The following MLLT6 variants were observed in gnomAD, a reference collection of about 807,000 sequenced individuals.
MLLT6 encodes protein AF-17.
In MLLT6, 22 loss-of-function variants were observed where a neutral mutation model predicts 103.0. The ratio of observed to expected loss-of-function variants is 0.21; its 90% CI spans 0.15 to 0.31. The LOEUF (loss-of-function observed/expected upper bound fraction) is 0.31, where lower values mean the gene tolerates loss of function less well. Ranked by LOEUF, MLLT6 falls within the 10% of genes least tolerant of loss-of-function variation. MLLT6 has a pLI of 1.00. For missense variants in MLLT6, 1,199 were observed against 1,441.7 expected (o/e 0.83, Z 2.73); for synonymous variants, 606 against 623.5 (o/e 0.97, Z 0.42).
chr17:38,705,793 G>T lies in MLLT6; in HGVS notation c.109+52G>T, dbSNP rs2143658106. 3 of 844,116 alleles carry T rather than the reference G, an allele frequency of 3.6e-6. No individual in the cohort carries two copies. In the East Asian group the frequency reaches 1.2e-4, roughly 33 times the overall value. The allele number at this position is 844,116 out of a possible 1,614,324, so 52.3% of individuals were successfully genotyped here. On this transcript the variant is annotated intron_variant, in intron 1 of 19. Transcript: ENST00000621332. ...CGGGACCCCGGGGGCGGCGTGCGCG[G>T]GGCGCCCCCGGCCGCGCCCTCCGGA... is the stretch of plus-strand genomic sequence containing the variant.
rs1454646312 is a variant in MLLT6, at chr17:38,716,945, C to G, written c.1615C>G (p.Pro539Ala). The stretch of plus-strand genomic sequence containing the variant: ...AACCTTTGGGCCTTCTGGGAGCTTG[C>G]CCAGCTTGAGCCTGGAGTCCCCCTT... ...SRTFGPSGSL[P>A]SLSLESPLLG... The change falls in exon 10 of 20, where the codon CCC becomes GCC. Residue 539 changes from proline to alanine, a missense_variant. This residue lies in a region of MLLT6 where 1,034 missense variants were observed against 1,091.5 expected (regional missense o/e 0.95). Transcript: ENST00000621332. This position sits in a 1 kb window ranked among gnomAD's most constrained non-coding sequence, Gnocchi z 5.6. The G allele has an allele frequency of 6.2e-7, 1 of 1,613,618 alleles. No homozygotes were observed. Among genetic ancestry groups the G allele is most frequent in the Non-Finnish European group, 8.5e-7 (1 of 1,179,972 alleles).
rs529883787 is a variant in MLLT6, at chr17:38,720,101, C to A, written c.2155+206C>A. On this transcript the variant is annotated intron_variant, in intron 14 of 19. Transcript: ENST00000621332. ...AGCGCCCCACCTTTGGCCTTCGTGG[C>A]CTCCGGGCCCCGACCTTACCAAACC... 1.1e-4 allele frequency: 88 copies of A among 777,314 alleles called. No individual in the cohort carries two copies. The African/African-American group carries it at 1.5e-3, about 13-fold the overall frequency. 48.2% of individuals were successfully genotyped at this position (777,314 alleles called of 1,614,324 possible).
rs948427913 is a variant in MLLT6 at position 38,726,008 on chromosome 17, G to A, written c.*410G>A. ...GGAGAGGCCCTGGGCCTGTCCCTGC[G>A]GGGAAATCTTTTATGGAAGAAGGGC... On this transcript the variant is annotated 3_prime_UTR_variant, in exon 20 of 20. Coordinates refer to ENST00000621332, the MANE Select transcript of MLLT6 (RefSeq NM_005937.4). The A allele has an allele frequency of 1.5e-5, 4 of 259,598 alleles. No homozygotes were observed. The highest frequency in any genetic ancestry group is 1.0e-3 in the Middle Eastern group (1 of 960). The allele number at this position is 259,598 out of a possible 1,614,324, so 16.1% of individuals were successfully genotyped here.
In MLLT6 at chr17:38,719,336, C is replaced by G. The variant is rs1597998242; in HGVS notation, c.1943-181C>G. ...GAGAGCAGATGCCCGGGGTTTGCCT[C>G]CCAGGGGCAGGGTTTCCAAGCCAGG... On this transcript the variant is annotated intron_variant, in intron 12 of 19. Coordinates refer to ENST00000621332, the MANE Select transcript of MLLT6 (RefSeq NM_005937.4). 11 of 610,618 alleles carry G rather than the reference C, an allele frequency of 1.8e-5. No individual in the cohort carries two copies. In the East Asian group the frequency reaches 3.2e-4, roughly 18 times the overall value. 37.8% of individuals were successfully genotyped at this position (610,618 alleles called of 1,614,324 possible). A position where few individuals can be genotyped will look rare whatever the true frequency, so the allele number is the denominator to read the frequency against.
At chr17:38,719,032 G>A (rs1388019453) in intron 12 of MLLT6, 1 of 192,252 alleles carries the variant, frequency 5.2e-6, no homozygotes, top group Non-Finnish European at 1.1e-5. Flanking sequence ...GTCATACAGA[G>A]CTAATTATGA....
chr17:38,707,628 G>A (rs756145535), intron 3 of MLLT6, 88 bp downstream of exon 3: 5 of 1,433,356 alleles, frequency 3.5e-6, no homozygotes, highest in Non-Finnish European at 4.9e-6. Flanking sequence ...GTGGAGGCCG[G>A]GTTTCCTTTC....
chr17:38,709,621 A>G lies in MLLT6; in HGVS notation c.552+46A>G, dbSNP rs778619700. ...CATGAGCGGGTCAGTCAGCTGTGGT[A>G]AGATGGTTAGAGGGCATGGGCTCTG... is the stretch of plus-strand genomic sequence containing the variant. On this transcript the variant is annotated intron_variant, in intron 6 of 19. Transcript: ENST00000621332. The surrounding 1 kb of genome is among the most constrained non-coding windows in gnomAD (Gnocchi z 4.3). 6 of 1,500,142 alleles carry G rather than the reference A, an allele frequency of 4.0e-6. No individual in the cohort carries two copies. The highest frequency in any genetic ancestry group is 1.7e-5 in the Admixed American group (1 of 59,650). The allele number at this position is 1,500,142 out of a possible 1,614,324, so 92.9% of individuals were successfully genotyped here.
Position 38,707,553 on chromosome 17 carries a change from C to T in MLLT6, c.244+13C>T. 1 of 1,613,916 alleles carries T rather than the reference C, an allele frequency of 6.2e-7. No homozygotes were observed. Among genetic ancestry groups the T allele is most frequent in the Non-Finnish European group, 8.5e-7 (1 of 1,179,838 alleles). On this transcript the variant is annotated intron_variant, in intron 3 of 19. Transcript: ENST00000621332. Reference sequence around the variant, plus strand: ...ACTGATAATGGAGGTGAGGCGGGCTCATCTGCTGAGGTCAGCAGGGCCCCC... The same window carrying T: ...ACTGATAATGGAGGTGAGGCGGGCTTATCTGCTGAGGTCAGCAGGGCCCCC...
intron 6 of MLLT6, among the ~76,000 whole-genome samples, chr17:38,710,383 A>T (rs1905104275): frequency 6.6e-6 from 1 of 152,148 alleles, no homozygotes; most frequent in Admixed American, 6.5e-5. Flanking sequence ...TGCAGCTTGG[A>T]TCTACCCCCG....
chr17:38,717,754 C>T (rs1443286710), intron 11 of MLLT6, 91 bp from the exon 12 acceptor site: 2 of 1,367,972 alleles, frequency 1.5e-6, no homozygotes, highest in African/African-American at 1.4e-5. Context: ...CCCTCTGCTC[C>T]CCAGCACACC....
At chr17:38,717,353 G>C in intron 10 of MLLT6, 79 bp from the exon 11 acceptor site, 1 of 1,189,974 alleles carries the variant, frequency 8.4e-7, no homozygotes, top group Non-Finnish European at 1.2e-6. Context: ...GAGCTGGGGA[G>C]GGGCTGTCAG....
In MLLT6 at chr17:38,716,446, C is replaced by T. The variant is rs1183942472; in HGVS notation, c.1116C>T (p.Pro372=). ...CAGAGGAGGACAAGTACTCCAAGCC[C>T]ACAGCCCCCGCCCCTTCAGCCCCTC... ...EQPEEDKYSK[P]TAPAPSAPPS... Residue 372 remains proline (P), a synonymous_variant, in exon 10 of 20, where the codon CCC becomes CCT. Transcript: ENST00000621332. This position sits in a 1 kb window ranked among gnomAD's most constrained non-coding sequence, Gnocchi z 5.6. 6.2e-7 allele frequency: 1 copy of T among 1,613,888 alleles called. No individual in the cohort carries two copies. Among genetic ancestry groups the T allele is most frequent in the Non-Finnish European group, 8.5e-7 (1 of 1,179,886 alleles).
At chr17:38,718,241 G>T (rs1905465191) in intron 12 of MLLT6, 1 of 285,598 alleles carries the variant, frequency 3.5e-6, no homozygotes, top group African/African-American at 2.2e-5. Context: ...TGGGCGTGGT[G>T]GTGGGCGCCT....
chr17:38,710,277 G>A (rs910560300), intron 6 of MLLT6, among the ~76,000 whole-genome samples: 2 of 152,156 alleles, frequency 1.3e-5, no homozygotes, highest in Non-Finnish European at 2.9e-5. Context: ...CAGGCTTCAG[G>A]GGTCCAGGGG....
At position 38,724,461 on chromosome 17, in the gene MLLT6, G is replaced by C; in HGVS notation, c.2884-159G>C. ...TTCTTGTCTAGATGGGGAGACCCAG[G>C]CTAAGTGGGAAATGCGAGACAGTAC... On this transcript the variant is annotated intron_variant, in intron 18 of 19. Transcript: ENST00000621332. This position sits in a 1 kb window ranked among gnomAD's most constrained non-coding sequence, Gnocchi z 5.4. 1 of 579,380 alleles carries C rather than the reference G, an allele frequency of 1.7e-6. No individual in the cohort carries two copies. The highest frequency in any genetic ancestry group is 1.9e-5 in the African/African-American group (1 of 52,860). 35.9% of individuals were successfully genotyped at this position (579,380 alleles called of 1,614,324 possible). A position where few individuals can be genotyped will look rare whatever the true frequency, so the allele number is the denominator to read the frequency against.
rs1037857370 is a variant in MLLT6 at position 38,709,809 on chromosome 17, G to A, written c.552+234G>A. On this transcript the variant is annotated intron_variant, in intron 6 of 19. Coordinates refer to ENST00000621332, the MANE Select transcript of MLLT6 (RefSeq NM_005937.4). The surrounding 1 kb of genome is among the most constrained non-coding windows in gnomAD (Gnocchi z 4.3). ...AAAAGACAAAGCTCAGACCCTGCCTGTCAGAGTCTAGGAGGCTTCAAGGAA... is the reference window on the plus strand; with the variant it reads ...AAAAGACAAAGCTCAGACCCTGCCTATCAGAGTCTAGGAGGCTTCAAGGAA... Among the ~76,000 whole-genome samples, 2 of 152,242 alleles carry A rather than the reference G, an allele frequency of 1.3e-5. No homozygotes were observed. Among genetic ancestry groups the A allele is most frequent in the Non-Finnish European group, 2.9e-5 (2 of 68,038 alleles).
At position 38,716,867 on chromosome 17, in the gene MLLT6, C is replaced by A; in HGVS notation, c.1537C>A (p.Pro513Thr). 6.2e-7 allele frequency: 1 copy of A among 1,613,684 alleles called. No individual in the cohort carries two copies. The highest frequency in any genetic ancestry group is 8.5e-7 in the Non-Finnish European group (1 of 1,179,796). Residue 513 changes from proline to threonine, a missense_variant, in exon 10 of 20, where the codon CCC becomes ACC. By Grantham distance (38) the Pro-to-Thr change is conservative. Transcript: ENST00000621332. The surrounding 1 kb of genome is among the most constrained non-coding windows in gnomAD (Gnocchi z 5.6). ...LAGFTATAAS[P>T]FSGGSLVSSG... ...TGGCTTTACCGCCACTGCTGCCTCA[C>A]CCTTCTCTGGAGGTTCCCTGGTCAG...
intron 7 of MLLT6, 112 bp downstream of exon 7, chr17:38,712,126 C>G: frequency 7.3e-7 from 1 of 1,372,860 alleles, no homozygotes; most frequent in Non-Finnish European, 9.5e-7. Flanking sequence ...CTGCCTTCTT[C>G]CTTCCTCTGA....
Position 38,724,596 on chromosome 17 carries a change from A to G in MLLT6, c.2884-24A>G, listed in dbSNP as rs1303844612. ...AAGAGACCCCCGGGACTGTTGGCCA[A>G]CAAGCGGTCTGGCCCCCTTGCAGGA... On this transcript the variant is annotated intron_variant, in intron 18 of 19. Transcript: ENST00000621332. This position sits in a 1 kb window ranked among gnomAD's most constrained non-coding sequence, Gnocchi z 5.4. 6.5e-7 allele frequency: 1 copy of G among 1,540,390 alleles called. No homozygotes were observed. The highest frequency in any genetic ancestry group is 8.8e-7 in the Non-Finnish European group (1 of 1,137,044).
Sources: allele counts gnomAD v4.1 joint callset (sites outside exome capture counted in the v4.1 genomes callset), GRCh38; gene constraint gnomAD v4.1.1; regional missense constraint gnomAD v4.1.1; non-coding constraint Gnocchi (gnomAD v3.1); transcripts MANE v1.5; gene names NCBI Gene and HGNC (gene_info 2026-07-23, HGNC 2026-07-21).